The following CFAP44 variants were observed in gnomAD, a reference collection of about 807,000 sequenced individuals.
CFAP44 encodes the protein cilia- and flagella-associated protein 44.
Under a neutral mutation model 216.2 loss-of-function variants are expected in CFAP44, and 134 were observed. That is an observed-to-expected ratio of 0.62 (90% CI 0.54 to 0.72). CFAP44 has a LOEUF of 0.72. Ranked by LOEUF, CFAP44 falls within the 30% of genes least tolerant of loss-of-function variation. The probability of loss-of-function intolerance (pLI) is 0.00; values close to 1 mark genes in which losing one functional copy is unlikely to be tolerated. For missense variants in CFAP44, 2,035 were observed against 2,182.1 expected, an observed-to-expected ratio of 0.93 and a Z score of 1.34; for synonymous variants, 700 against 727.6, an observed-to-expected ratio of 0.96 and a Z score of 0.61.
intron 15 of CFAP44, among the ~76,000 whole-genome samples, chr3:113,393,148 C>T (rs115219798): frequency 0.025 from 3,829 of 152,294 alleles, 60 homozygotes; most frequent in East Asian, 0.052. Flanking sequence ...CTGGTAAGGG[C>T]TAAGACCTAT....
intron 1 of CFAP44, among the ~76,000 whole-genome samples, chr3:113,439,017 G>A (rs998332010): frequency 3.3e-5 from 5 of 152,174 alleles, no homozygotes; most frequent in African/African-American, 1.2e-4. Flanking sequence ...ACCTATCGGG[G>A]ACATTCATTG....
intron 26 of CFAP44, among the ~76,000 whole-genome samples, chr3:113,328,696 TAA>T (rs58650082): frequency 7.0e-5 from 2 of 28,532 alleles, no homozygotes; most frequent in African/African-American, 1.4e-4. Context: ...TTAGAGAGCT[TAA>T]AAAAAAAAAA....
At chr3:113,387,868 A>G (rs1933690775) in intron 15 of CFAP44, among the ~76,000 whole-genome samples, 1 of 152,104 alleles carries the variant, frequency 6.6e-6, no homozygotes, top group Admixed American at 6.6e-5. Context: ...CTGACTGAAG[A>G]GCCCTTGGGC....
intron 6 of CFAP44, among the ~76,000 whole-genome samples, chr3:113,410,400 TTGG>T (rs1459174088): frequency 1.3e-5 from 2 of 152,174 alleles, no homozygotes; most frequent in Non-Finnish European, 2.9e-5. Context: ...CATGCAGTGT[TTGG>T]TTTTTTGTCC....
intron 1 of CFAP44, among the ~76,000 whole-genome samples, chr3:113,436,422 T>C (rs1261861455): frequency 1.2e-4 from 19 of 152,188 alleles, no homozygotes; most frequent in Admixed American, 1.2e-3. Context: ...ATGCTAGGCA[T>C]TGCAGAGGAT....
At chr3:113,428,679 A>C (rs1216973868) in intron 2 of CFAP44, among the ~76,000 whole-genome samples, 1 of 152,212 alleles carries the variant, frequency 6.6e-6, no homozygotes, top group African/African-American at 2.4e-5. Context: ...TTAAAACCTG[A>C]AATCACAAAT....
At chr3:113,418,195 C>T (rs184213667) in intron 5 of CFAP44, among the ~76,000 whole-genome samples, 39 of 152,132 alleles carry the variant, frequency 2.6e-4, no homozygotes, top group Non-Finnish European at 4.4e-4. Context: ...TCAAGCAATT[C>T]TCGTGCCTCA....
At chr3:113,296,138 G>A (rs1949877782) in intron 33 of CFAP44, among the ~76,000 whole-genome samples, 1 of 152,120 alleles carries the variant, frequency 6.6e-6, no homozygotes, top group Admixed American at 6.5e-5. Flanking sequence ...CCACTTATAA[G>A]TGAGAACATG....
chr3:113,434,362 C>T (rs1468662879), intron 1 of CFAP44: 2 of 152,106 alleles, frequency 1.3e-5, no homozygotes, highest in East Asian at 1.9e-4. Flanking sequence ...AAGAGGGCTG[C>T]ATCTTTAAAG....
At chr3:113,339,994 G>C (rs1477038582) in intron 24 of CFAP44, among the ~76,000 whole-genome samples, 7 of 152,238 alleles carry the variant, frequency 4.6e-5, no homozygotes, top group Admixed American at 6.5e-5. Flanking sequence ...GCCAGGGGAG[G>C]AGAGGGTCAA....
intron 32 of CFAP44, among the ~76,000 whole-genome samples, chr3:113,303,615 C>A (rs76190888): frequency 6.6e-6 from 1 of 152,076 alleles, no homozygotes; most frequent in Non-Finnish European, 1.5e-5. Context: ...TGTATCTCAA[C>A]GTTTTCTTTC....
At chr3:113,327,923 C>T (rs748024029) in intron 26 of CFAP44, 104 bp from the exon 27 acceptor site, 35 of 991,858 alleles carry the variant, frequency 3.5e-5, no homozygotes, top group South Asian at 5.1e-5. Flanking sequence ...TTATTATGCC[C>T]TTATGGATGG....
chr3:113,315,901 T>G (rs1950082186), intron 28 of CFAP44, among the ~76,000 whole-genome samples: 1 of 152,214 alleles, frequency 6.6e-6, no homozygotes. Context: ...TTTGGTAGGT[T>G]AGGTGTATTA....
In CFAP44 at chr3:113,302,457, TAAAAAA is replaced by T. The variant is rs60866565; in HGVS notation, c.5077+1453_5077+1458del. ...GTATCCAAAGATACACTAGACAAAG[TAAAAAA>T]AAAAAAAAAAAAAAAAAGATAGCCA... On this transcript the variant is annotated intron_variant, in intron 32 of 34. Transcript: ENST00000393845. 5.1e-4 allele frequency among the ~76,000 whole-genome samples: 39 copies of T among 75,812 alleles called. 1 individual carries two copies. The highest frequency in any genetic ancestry group is 7.9e-4 in the Non-Finnish European group (28 of 35,398). The allele number at this position is 75,812 out of a possible 152,430, so 49.7% of individuals were successfully genotyped here.
chr3:113,371,705 G>A (rs1302624379), intron 18 of CFAP44, among the ~76,000 whole-genome samples: 1 of 151,670 alleles, frequency 6.6e-6, no homozygotes, highest in Non-Finnish European at 1.5e-5. Flanking sequence ...AAAAGCAATG[G>A]CAAAAGCAAA....
chr3:113,425,438 T>C (rs1163573378), intron 4 of CFAP44, among the ~76,000 whole-genome samples: 2 of 152,226 alleles, frequency 1.3e-5, no homozygotes, highest in Non-Finnish European at 2.9e-5. Context: ...CAAAATCCCC[T>C]TGTCAATCAT....
intron 28 of CFAP44, among the ~76,000 whole-genome samples, chr3:113,312,361 G>A (rs1470801530): frequency 1.3e-5 from 2 of 151,508 alleles, no homozygotes; most frequent in Non-Finnish European, 2.9e-5. Context: ...GGGATTACAG[G>A]TATGAGCCAC....
chr3:113,325,815 T>A (rs1950184543), intron 28 of CFAP44, among the ~76,000 whole-genome samples: 3 of 152,178 alleles, frequency 2.0e-5, no homozygotes, highest in African/African-American at 7.2e-5. Flanking sequence ...AAGGGCTCAA[T>A]ATGTAGCTAC....
chr3:113,324,042 C>CAAAAAAAAAAAAAAAAAAAAAAAAAA (rs200919084), intron 28 of CFAP44, among the ~76,000 whole-genome samples: 2 of 71,864 alleles, frequency 2.8e-5, no homozygotes, highest in Non-Finnish European at 5.9e-5. Context: ...GACTCCGTCT[C>CAAAAAAAAAAAAAAAAAAAAAAAAAA]AAAAAAAAAA....
Sources: gnomAD v4.1 joint callset for allele counts (sites outside exome capture counted in the v4.1 genomes callset) on GRCh38, gnomAD v4.1.1 for gene constraint, MANE v1.5 for transcripts, NCBI Gene and HGNC (gene_info 2026-07-23, HGNC 2026-07-21) for gene names.